TTLL5: variants seen among roughly 807,000 people sequenced by gnomAD.
TTLL5 encodes tubulin polyglutamylase TTLL5.
Under a neutral mutation model 168.4 loss-of-function variants are expected in TTLL5, and 132 were observed. The observed-to-expected ratio is 0.78, with a 90% CI of 0.68 to 0.91. The LOEUF (loss-of-function observed/expected upper bound fraction) is 0.91. TTLL5 is among the 40% of genes least tolerant of loss of function. TTLL5 has a pLI of 0.00. For missense variants in TTLL5, 1,545 were observed against 1,581.5 expected (o/e 0.98, Z 0.39); for synonymous variants, 546 against 558.6 (o/e 0.98, Z 0.32).
At chr14:75,879,779 C>T (rs1440425678) in intron 29 of TTLL5, among the ~76,000 whole-genome samples, 2 of 152,174 alleles carry the variant, frequency 1.3e-5, no homozygotes, top group African/African-American at 4.8e-5. Flanking sequence ...TCATTGATGA[C>T]CTAATCTGCT....
Position 75,858,878 on chromosome 14 carries a change from AG to A in TTLL5, c.3327-4788del, listed in dbSNP as rs374294699. Among the ~76,000 whole-genome samples, 24 of 152,356 alleles carry A rather than the reference AG, an allele frequency of 1.6e-4. No individual in the cohort carries two copies. In the East Asian group the frequency reaches 2.5e-3, roughly 16 times the overall value. ...CAGAAGCACCACTGGCATTTTAAGC[AG>A]CACACATTTTCTTAATACAAGACTA... On this transcript the variant is annotated intron_variant, in intron 28 of 31. Coordinates refer to ENST00000298832, the MANE Select transcript of TTLL5 (RefSeq NM_015072.5).
At chr14:75,733,903 T>C in intron 13 of TTLL5, 86 bp from the exon 14 acceptor site, 1 of 1,278,648 alleles carries the variant, frequency 7.8e-7, no homozygotes, top group Non-Finnish European at 1.1e-6. Flanking sequence ...ATTTGGAAAC[T>C]TTGCTATATT....
In TTLL5 at chr14:75,871,565, T is replaced by A. The variant is rs1281551692; in HGVS notation, c.3522+7703T>A. Among the ~76,000 whole-genome samples, 234 of 137,856 alleles carry A rather than the reference T, an allele frequency of 1.7e-3. 1 individual carries two copies. The highest frequency in any genetic ancestry group is 5.6e-3 in the African/African-American group (212 of 37,866). The allele number at this position is 137,856 out of a possible 152,430, so 90.4% of individuals were successfully genotyped here. A position where few individuals can be genotyped will look rare whatever the true frequency, so the allele number is the denominator to read the frequency against. ...ATATACTCTCGTATACACAAATCTT[T>A]AAAAAAAAAAAAAAAGGGTCAGTGT... On this transcript the variant is annotated intron_variant, in intron 29 of 31. Transcript: ENST00000298832.
At chr14:75,727,711 G>A in intron 12 of TTLL5, 1 of 353,376 alleles carries the variant, frequency 2.8e-6, no homozygotes, top group Non-Finnish European at 5.7e-6. Context: ...AAAAAGCAAT[G>A]ATAGATGGAT....
At chr14:75,701,398 G>T (rs897192714) in intron 7 of TTLL5, among the ~76,000 whole-genome samples, 11 of 152,200 alleles carry the variant, frequency 7.2e-5, no homozygotes, top group Non-Finnish European at 1.5e-4. Context: ...CTGGCCGCTG[G>T]TCTGGGTTTC....
intron 29 of TTLL5, among the ~76,000 whole-genome samples, chr14:75,881,994 T>C (rs2031839991): frequency 2.0e-5 from 3 of 152,328 alleles, no homozygotes; most frequent in Admixed American, 2.0e-4. Context: ...AGCAAAAATA[T>C]CCATTTGTCG....
rs1012599619 is a variant in TTLL5 at position 75,902,135 on chromosome 14, G to C, written c.3741-7G>C. Reference sequence around the variant, plus strand: ...TGCAGGTCTGACCAAGCTCCTTTGTGTTTCAGAGGGTCCTCCGCGGAAGGG... The same window carrying C: ...TGCAGGTCTGACCAAGCTCCTTTGTCTTTCAGAGGGTCCTCCGCGGAAGGG... On this transcript the variant is annotated splice_polypyrimidine_tract_variant and splice_region_variant and intron_variant, in intron 30 of 31. Transcript: ENST00000298832. 1.2e-5 allele frequency: 20 copies of C among 1,613,974 alleles called. No homozygotes were observed. Among genetic ancestry groups the C allele is most frequent in the Non-Finnish European group, 1.7e-5 (20 of 1,179,988 alleles).
At chr14:75,805,419 T>C (rs533579554) in intron 27 of TTLL5, among the ~76,000 whole-genome samples, 1 of 152,316 alleles carries the variant, frequency 6.6e-6, no homozygotes, top group Non-Finnish European at 1.5e-5. Context: ...GGCATCTGCT[T>C]CTCCCTGGTC....
At position 75,892,760 on chromosome 14, in the gene TTLL5, T is replaced by G. The variant is rs534572431; in HGVS notation, c.3741-9382T>G. ...CCGACTAACTGAGTCTGTCTTTATA[T>G]GAGACTATGGGCCTTACAGAGTCAG... On this transcript the variant is annotated intron_variant, in intron 30 of 31. Coordinates refer to ENST00000298832, the MANE Select transcript of TTLL5 (RefSeq NM_015072.5). Among the ~76,000 whole-genome samples, 3 of 152,326 alleles carry G rather than the reference T, an allele frequency of 2.0e-5. No individual in the cohort carries two copies. In the East Asian group the frequency reaches 5.8e-4, roughly 29 times the overall value.
At chr14:75,740,794 A>G (rs1008539919) in intron 15 of TTLL5, among the ~76,000 whole-genome samples, 6 of 152,094 alleles carry the variant, frequency 3.9e-5, no homozygotes, top group Non-Finnish European at 8.8e-5. Flanking sequence ...GTTGTTTTTT[A>G]GATGGTAAAA....
intron 7 of TTLL5, among the ~76,000 whole-genome samples, chr14:75,703,564 A>G (rs1388237307): frequency 6.6e-6 from 1 of 152,190 alleles, no homozygotes; most frequent in Non-Finnish European, 1.5e-5. Flanking sequence ...TATTCAAAGC[A>G]AGGAGGGGAA....
intron 24 of TTLL5, 29 bp from the exon 25 acceptor site, chr14:75,782,458 G>A (rs1892116388): frequency 6.4e-7 from 1 of 1,563,460 alleles, no homozygotes; most frequent in Non-Finnish European, 8.8e-7. Flanking sequence ...GATTATAAGA[G>A]AGTCCAAGCT....
chr14:75,772,790 C>T (rs776347133), intron 21 of TTLL5, among the ~76,000 whole-genome samples: 5 of 151,922 alleles, frequency 3.3e-5, no homozygotes, highest in African/African-American at 7.3e-5. Context: ...GCCTTAGCCT[C>T]CCAAGTAGCT....
intron 9 of TTLL5, among the ~76,000 whole-genome samples, chr14:75,715,991 C>G (rs1463170567): frequency 6.6e-6 from 1 of 152,120 alleles, no homozygotes; most frequent in Admixed American, 6.5e-5. Flanking sequence ...GAAGCTTTCC[C>G]CTCCTTCTAA....
At chr14:75,718,148 C>T (rs546795372) in intron 10 of TTLL5, among the ~76,000 whole-genome samples, 186 bp downstream of exon 10, 7 of 152,322 alleles carry the variant, frequency 4.6e-5, no homozygotes, top group South Asian at 2.1e-4. Flanking sequence ...ATTGCCTCCC[C>T]GGTTAACGGT....
intron 29 of TTLL5, among the ~76,000 whole-genome samples, chr14:75,881,071 G>A (rs1370692911): frequency 6.6e-6 from 1 of 152,052 alleles, no homozygotes; most frequent in African/African-American, 2.4e-5. Context: ...GCACCACCAC[G>A]TCTAGCTAAT....
At chr14:75,933,098 A>C (rs962912645) in intron 31 of TTLL5, among the ~76,000 whole-genome samples, 1 of 152,214 alleles carries the variant, frequency 6.6e-6, no homozygotes, top group Non-Finnish European at 1.5e-5. Flanking sequence ...TGATAGGTGA[A>C]GTTGTTATTG....
At chr14:75,814,379 G>A (rs1012219643) in intron 27 of TTLL5, 6 of 152,316 alleles carry the variant, frequency 3.9e-5, no homozygotes, top group African/African-American at 1.4e-4. Context: ...TTTGATCAGA[G>A]CTGGTTTTGT....
rs775036477 is a variant in TTLL5 at position 75,707,657 on chromosome 14, G to T, written c.690G>T (p.Val230=). The change falls in exon 9 of 32, where the codon GTG becomes GTT. Residue 230 remains valine (V), a synonymous_variant. Coordinates refer to ENST00000298832, the MANE Select transcript of TTLL5 (RefSeq NM_015072.5). Reference sequence around the variant, plus strand: ...TTGACGTGCGCCTCTATGTGCTCGTGACTTCCTATGATCCTCTTGTCATCT... The same window carrying T: ...TTGACGTGCGCCTCTATGTGCTCGTTACTTCCTATGATCCTCTTGTCATCT... ...FKFDVRLYVL[V]TSYDPLVIYL... is the part of the protein sequence containing the mutation. 1 of 1,606,792 alleles carries T rather than the reference G, an allele frequency of 6.2e-7. No homozygotes were observed. Among genetic ancestry groups the T allele is most frequent in the Non-Finnish European group, 8.5e-7 (1 of 1,175,914 alleles).
Sources: allele counts gnomAD v4.1 joint callset (sites outside exome capture counted in the v4.1 genomes callset), GRCh38; gene constraint gnomAD v4.1.1; transcripts MANE v1.5; gene names NCBI Gene and HGNC (gene_info 2026-07-23, HGNC 2026-07-21).